NRXN3: variants seen among roughly 807,000 people sequenced by gnomAD.
NRXN3 encodes neurexin III.
Under a neutral mutation model 137.6 loss-of-function variants are expected in NRXN3, and 32 were observed. That is an observed-to-expected ratio of 0.23 (90% CI 0.18 to 0.31). The LOEUF (loss-of-function observed/expected upper bound fraction) is 0.31. NRXN3 is among the 10% of genes least tolerant of loss of function. The pLI is 1.00. For synonymous variants in NRXN3, 798 were observed against 784.5 expected, an observed-to-expected ratio of 1.02 and a Z score of -0.29; for missense variants, 1,574 against 2,062.5, an observed-to-expected ratio of 0.76 and a Z score of 4.59.
chr14:78,926,771 T>TGCCAAATGTGGTGATGCACTCCTGTAG (rs2099297204), intron 10 of NRXN3, among the ~76,000 whole-genome samples: 1 of 43,030 alleles, frequency 2.3e-5, no homozygotes, highest in African/African-American at 1.5e-4. Context: ...ATTATATATA[T>TGCCAAATGTGGTGATGCACTCCTGTAG]TATATATATA....
chr14:79,472,440 A>AT (rs2096522156), intron 16 of NRXN3, among the ~76,000 whole-genome samples: 1 of 152,144 alleles, frequency 6.6e-6, no homozygotes. Context: ...ATTAACTAAC[A>AT]TTTCTTTGTT....
intron 15 of NRXN3, among the ~76,000 whole-genome samples, chr14:79,415,694 C>G (rs556221329): frequency 2.1e-4 from 32 of 152,258 alleles, no homozygotes; most frequent in African/African-American, 6.7e-4. Flanking sequence ...GTTGTCATAT[C>G]TGTACATTCA....
At chr14:78,709,196 C>G in intron 6 of NRXN3, 21 bp from the exon 7 acceptor site, 1 of 1,593,484 alleles carries the variant, frequency 6.3e-7, no homozygotes, top group Non-Finnish European at 8.5e-7. Flanking sequence ...TCACATGGCA[C>G]TTTTGTTTGG....
At chr14:78,403,668 C>A (rs1598295811) in intron 4 of NRXN3, 1 of 974,866 alleles carries the variant, frequency 1.0e-6, no homozygotes, top group African/African-American at 1.8e-5. Flanking sequence ...AAATCACGAA[C>A]ACCGAGGGCG....
intron 3 of NRXN3, among the ~76,000 whole-genome samples, chr14:78,283,667 C>A (rs570423555): frequency 6.6e-6 from 1 of 152,126 alleles, no homozygotes; most frequent in Non-Finnish European, 1.5e-5. Context: ...TGCCACCACG[C>A]CCAGCAAATT....
At chr14:79,181,560 A>C (rs1424157644) in intron 15 of NRXN3, among the ~76,000 whole-genome samples, 1 of 151,836 alleles carries the variant, frequency 6.6e-6, no homozygotes, top group Non-Finnish European at 1.5e-5. Flanking sequence ...GGGTTCCTAT[A>C]ATCCCAGCTA....
At chr14:78,991,672 A>T (rs2937826) in intron 15 of NRXN3, among the ~76,000 whole-genome samples, 11,821 of 152,206 alleles carry the variant, frequency 0.078, 1,167 homozygotes, top group African/African-American at 0.23. Context: ...TAAAAAAGTT[A>T]ATCATATGTA....
At chr14:78,388,122 C>T (rs933785754) in intron 4 of NRXN3, among the ~76,000 whole-genome samples, 2 of 152,160 alleles carry the variant, frequency 1.3e-5, no homozygotes, top group Non-Finnish European at 2.9e-5. Flanking sequence ...AATAATTGCG[C>T]AGGTGGGATG....
intron 16 of NRXN3, among the ~76,000 whole-genome samples, chr14:79,606,872 G>A (rs952072321): frequency 1.3e-5 from 2 of 152,196 alleles, no homozygotes; most frequent in Non-Finnish European, 2.9e-5. Flanking sequence ...GATTTAACTA[G>A]GAGAAAACAG....
At chr14:79,241,714 A>G (rs1442598839) in intron 15 of NRXN3, among the ~76,000 whole-genome samples, 1 of 152,168 alleles carries the variant, frequency 6.6e-6, no homozygotes, top group East Asian at 1.9e-4. Flanking sequence ...ACAAAAGGTA[A>G]TATTACTTGA....
chr14:78,446,443 C>T (rs769576342), intron 4 of NRXN3, among the ~76,000 whole-genome samples: 3 of 151,880 alleles, frequency 2.0e-5, no homozygotes, highest in Non-Finnish European at 4.4e-5. Context: ...CATCATTTCC[C>T]GGATGCTTTC....
intron 19 of NRXN3, among the ~76,000 whole-genome samples, chr14:79,787,335 G>T (rs1041029523): frequency 6.6e-6 from 1 of 152,126 alleles, no homozygotes; most frequent in Non-Finnish European, 1.5e-5. Flanking sequence ...ATTGTGGAAT[G>T]ATCAACCCAG....
In NRXN3 at chr14:78,560,536, A is replaced by C. The variant is rs145317512; in HGVS notation, c.758-84584A>C. On this transcript the variant is annotated intron_variant, in intron 4 of 20. Transcript: ENST00000335750. ...ACCTTTCTCCAAGGCCTGGATGCTC[A>C]CTGGCCCTTCCAAGATGCTGACCCC... Among the ~76,000 whole-genome samples, 515 of 152,334 alleles carry C rather than the reference A, an allele frequency of 3.4e-3. 9 individuals carry two copies. Among genetic ancestry groups the C allele is most frequent in the African/African-American group, 0.012 (501 of 41,578 alleles).
chr14:78,289,993 A>T (rs1055594224), intron 3 of NRXN3, among the ~76,000 whole-genome samples: 1 of 152,218 alleles, frequency 6.6e-6, no homozygotes, highest in Admixed American at 6.5e-5. Flanking sequence ...TTAGCTGCAC[A>T]TAGTAGTTCC....
intron 8 of NRXN3, among the ~76,000 whole-genome samples, chr14:78,738,427 A>G (rs963418580): frequency 2.6e-5 from 4 of 152,128 alleles, no homozygotes; most frequent in Admixed American, 6.5e-5. Flanking sequence ...GTCAGCTGAT[A>G]TGAAAGCTTT....
chr14:79,056,259 T>C (rs2099662286), intron 15 of NRXN3, among the ~76,000 whole-genome samples: 1 of 152,174 alleles, frequency 6.6e-6, no homozygotes, highest in African/African-American at 2.4e-5. Context: ...ATTTATTTTT[T>C]CTGTTCATTT....
Position 79,777,017 on chromosome 14 carries a change from C to T in NRXN3, c.4015-28095C>T, listed in dbSNP as rs545003007. ...TCTCCCTCTCTTTCCCTTCCCACACCTCCACCTGCAAGGTTGTTCTTGTCA... is the reference window on the plus strand; with the variant it reads ...TCTCCCTCTCTTTCCCTTCCCACACTTCCACCTGCAAGGTTGTTCTTGTCA... On this transcript the variant is annotated intron_variant, in intron 19 of 20. Coordinates refer to ENST00000335750, the MANE Select transcript of NRXN3 (RefSeq NM_001330195.2). 4.1e-4 allele frequency among the ~76,000 whole-genome samples: 62 copies of T among 152,274 alleles called. 1 individual carries two copies. Among genetic ancestry groups the T allele is most frequent in the East Asian group, 5.8e-4 (3 of 5,166 alleles).
At chr14:79,106,006 C>G (rs2052366124) in intron 15 of NRXN3, among the ~76,000 whole-genome samples, 1 of 152,094 alleles carries the variant, frequency 6.6e-6, no homozygotes, top group Admixed American at 6.6e-5. Flanking sequence ...CTGCTTTGAT[C>G]ACCACTATAT....
intron 10 of NRXN3, among the ~76,000 whole-genome samples, chr14:78,836,492 G>A (rs1276258130): frequency 6.6e-6 from 1 of 152,136 alleles, no homozygotes; most frequent in Non-Finnish European, 1.5e-5. Flanking sequence ...GGTTGAGTTG[G>A]GACTGATATA....
Sources: allele counts gnomAD v4.1 joint callset (sites outside exome capture counted in the v4.1 genomes callset), GRCh38; gene constraint gnomAD v4.1.1; transcripts MANE v1.5; gene names NCBI Gene and HGNC (gene_info 2026-07-23, HGNC 2026-07-21).